The following TTC13 variants were observed in gnomAD, a reference collection of about 807,000 sequenced individuals.
TTC13 encodes tetratricopeptide repeat domain 13.
TTC13 carries 62 observed loss-of-function variants against 120.0 expected under a neutral mutation model. That is an observed-to-expected ratio of 0.52 (90% confidence interval 0.42 to 0.64). The LOEUF (loss-of-function observed/expected upper bound fraction) is 0.64. Among genes scored for constraint, TTC13 ranks in the 30% least tolerant of loss-of-function variants. The probability of loss-of-function intolerance (pLI) is 0.00; values close to 1 mark genes in which losing one functional copy is unlikely to be tolerated. For missense variants in TTC13, 824 were observed against 1,050.2 expected (o/e 0.78, Z 2.98); for synonymous variants, 384 against 393.5 (o/e 0.98, Z 0.28).
chr1:230,909,370 C>T lies in TTC13; in HGVS notation c.2310-350G>A, dbSNP rs185340206. Among the ~76,000 whole-genome samples, 35 of 152,284 alleles carry T rather than the reference C, an allele frequency of 2.3e-4. No individual in the cohort carries two copies. In the East Asian group the frequency reaches 6.4e-3, roughly 28 times the overall value. ...ATTAGGCCAGGCATGGTGGCTCACACCTGTAATCCCAGCACTTTGGGAGGC... is the reference window on the plus strand; with the variant it reads ...ATTAGGCCAGGCATGGTGGCTCACATCTGTAATCCCAGCACTTTGGGAGGC... On this transcript the variant is annotated intron_variant, in intron 20 of 22. Transcript: ENST00000366661.
intron 6 of TTC13, among the ~76,000 whole-genome samples, chr1:230,943,057 A>T (rs1674656282): frequency 6.6e-6 from 1 of 152,222 alleles, no homozygotes; most frequent in Non-Finnish European, 1.5e-5. Context: ...ACACACATAC[A>T]CATCAGCAGA....
At chr1:230,960,009 G>A (rs1365814039) in intron 2 of TTC13, among the ~76,000 whole-genome samples, 6 of 152,152 alleles carry the variant, frequency 3.9e-5, no homozygotes, top group East Asian at 1.9e-4. Flanking sequence ...AGAGACCAAC[G>A]CTATCTGGCT....
intron 17 of TTC13, among the ~76,000 whole-genome samples, chr1:230,917,070 C>T (rs1672106287): frequency 6.6e-6 from 1 of 151,940 alleles, no homozygotes. Context: ...GAGGGGAGAG[C>T]TTGTCTAGAA....
chr1:230,920,627 G>A, intron 16 of TTC13, 33 bp from the exon 17 acceptor site: 1 of 1,268,860 alleles, frequency 7.9e-7, no homozygotes, highest in Non-Finnish European at 1.1e-6. Context: ...TGGCAACTGA[G>A]ATTAATGCAG....
chr1:230,908,972 T>C lies in TTC13; in HGVS notation c.2358A>G (p.Lys786=). 1 of 1,614,150 alleles carries C rather than the reference T, an allele frequency of 6.2e-7. No homozygotes were observed. The highest frequency in any genetic ancestry group is 1.1e-5 in the South Asian group (1 of 91,086). Residue 786 remains lysine, a synonymous_variant, in exon 21 of 23, where the codon AAA becomes AAG. Transcript: ENST00000366661. ...VIVGALMASG[K]EVAGKIPKGK... ...CTTTGGGAATTTTTCCTGCTACTTCTTTTCCACTTGCCATCAGTGCTCCCA... is the reference window on the plus strand; with the variant it reads ...CTTTGGGAATTTTTCCTGCTACTTCCTTTCCACTTGCCATCAGTGCTCCCA...
chr1:230,957,226 CAA>C (rs1676173255), intron 3 of TTC13, among the ~76,000 whole-genome samples: 1 of 152,156 alleles, frequency 6.6e-6, no homozygotes, highest in Non-Finnish European at 1.5e-5. Flanking sequence ...TCCTAGAGCC[CAA>C]GAGTTTGATA....
intron 8 of TTC13, among the ~76,000 whole-genome samples, chr1:230,935,503 G>A (rs1437592270): frequency 2.0e-4 from 31 of 152,146 alleles, no homozygotes; most frequent in Non-Finnish European, 4.4e-5. Flanking sequence ...AAGAAAGAGG[G>A]CATTTTGGAG....
At chr1:230,931,516 AC>A in intron 10 of TTC13, 44 bp from the exon 11 acceptor site, 1 of 1,598,810 alleles carries the variant, frequency 6.3e-7, no homozygotes, top group African/African-American at 1.3e-5. Context: ...GTTTAGGAAA[AC>A]TTTGAAATGC....
chr1:230,954,626 T>C (rs1278621426), intron 3 of TTC13, among the ~76,000 whole-genome samples: 1 of 152,214 alleles, frequency 6.6e-6, no homozygotes, highest in Non-Finnish European at 1.5e-5. Context: ...GTTAAAGTCA[T>C]CTATAAAATA....
At chr1:230,923,788 G>C (rs985138587) in intron 15 of TTC13, 53 bp downstream of exon 15, 2 of 1,488,144 alleles carry the variant, frequency 1.3e-6, no homozygotes, top group African/African-American at 2.8e-5. Flanking sequence ...CATGGCCTGT[G>C]TCTTGAGAAT....
intron 9 of TTC13, among the ~76,000 whole-genome samples, chr1:230,932,367 T>C (rs1013884539): frequency 2.0e-5 from 3 of 151,966 alleles, no homozygotes; most frequent in African/African-American, 4.8e-5. Context: ...TTTAGAATTC[T>C]GAAAAAAGAA....
intron 3 of TTC13, among the ~76,000 whole-genome samples, chr1:230,956,115 T>G (rs1057192729): frequency 9.2e-5 from 14 of 152,264 alleles, no homozygotes; most frequent in African/African-American, 3.4e-4. Context: ...AACCCCATTT[T>G]GCAGACAAGG....
Position 230,939,427 on chromosome 1 carries a change from G to C in TTC13, c.859C>G (p.Leu287Val), listed in dbSNP as rs1408846428. 1.2e-6 allele frequency: 2 copies of C among 1,612,624 alleles called. No individual in the cohort carries two copies. The highest frequency in any genetic ancestry group is 1.7e-6 in the Non-Finnish European group (2 of 1,179,102). The change falls in exon 8 of 23, where the codon CTA (leucine) becomes GTA (valine). Residue 287 changes from leucine to valine, a missense_variant. Coordinates refer to ENST00000366661, the MANE Select transcript of TTC13 (RefSeq NM_024525.5). The stretch of plus-strand genomic sequence containing the variant: ...TGAAAGAAAGTTAAACCTTTGTATA[G>C]CATAGCTATAGGCTGGTTTTTGTTC... Reference protein sequence around the residue: ...ELNKNQPIAMLYKGLTFFHRG... With the variant: ...ELNKNQPIAMVYKGLTFFHRG...
intron 1 of TTC13, among the ~76,000 whole-genome samples, chr1:230,971,948 C>A (rs1365875536): frequency 6.6e-6 from 1 of 152,226 alleles, no homozygotes; most frequent in Admixed American, 6.5e-5. Flanking sequence ...CACATACTGG[C>A]AGACAACATC....
chr1:230,935,638 G>A (rs753831970), intron 8 of TTC13, among the ~76,000 whole-genome samples: 18 of 152,260 alleles, frequency 1.2e-4, no homozygotes, highest in Middle Eastern at 3.4e-3. Context: ...AGCTGGGCCA[G>A]GAAAGGAAGG....
intron 2 of TTC13, among the ~76,000 whole-genome samples, chr1:230,960,622 T>G (rs1572277032): frequency 6.7e-6 from 1 of 148,914 alleles, no homozygotes; most frequent in Non-Finnish European, 1.5e-5. Flanking sequence ...AAACCGAAGA[T>G]GCAAAGAGTA....
chr1:230,928,472 A>G (rs543292343), intron 12 of TTC13, among the ~76,000 whole-genome samples: 3 of 152,328 alleles, frequency 2.0e-5, no homozygotes, highest in South Asian at 4.1e-4. Flanking sequence ...ATCATTTCCT[A>G]TAATTTGTAG....
chr1:230,955,953 G>T (rs1015424885), intron 3 of TTC13, among the ~76,000 whole-genome samples: 1 of 152,166 alleles, frequency 6.6e-6, no homozygotes, highest in African/African-American at 2.4e-5. Flanking sequence ...TTTGGTGGGG[G>T]TGGTGGAGGC....
rs117712163 is a variant in TTC13 at position 230,907,336 on chromosome 1, A to G, written c.2469-317T>C. Among the ~76,000 whole-genome samples, 75 of 152,174 alleles carry G rather than the reference A, an allele frequency of 4.9e-4. No homozygotes were observed. In the East Asian group the frequency reaches 0.013, roughly 26 times the overall value. ...AGACACAGGTTTCAGGTCCAGCTTC[A>G]CTCCTTATTAGCTTTCTTTACTTCT... On this transcript the variant is annotated intron_variant, in intron 22 of 22. Coordinates refer to ENST00000366661, the MANE Select transcript of TTC13 (RefSeq NM_024525.5).
Sources: allele counts gnomAD v4.1 joint callset (sites outside exome capture counted in the v4.1 genomes callset), GRCh38; gene constraint gnomAD v4.1.1; transcripts MANE v1.5; gene names NCBI Gene and HGNC (gene_info 2026-07-23, HGNC 2026-07-21).